FH: variants seen among roughly 807,000 people sequenced by gnomAD.
FH encodes the protein fumarate hydratase.
In FH, 22 loss-of-function variants were observed where a neutral mutation model predicts 49.4. The ratio of observed to expected loss-of-function variants is 0.45; its 90% CI spans 0.32 to 0.64. The LOEUF is 0.64. FH is among the 30% of genes least tolerant of loss of function. The pLI is 0.05. For synonymous variants in FH, 208 were observed against 223.0 expected (o/e 0.93, Z 0.60); for missense variants, 526 against 641.5 (o/e 0.82, Z 1.95).
rs778678782 is a variant in FH, at chr1:241,517,298, G to A, written c.151C>T (p.Arg51Trp). ...TCACCAAAGGTATCATATTCTATCC[G>A]GAAGGAATTTTGGCTTGCCTAAAGA... ...AARMASQNSF[R>W]IEYDTFGELK... Residue 51 changes from arginine (R) to tryptophan (W), a missense_variant, in exon 2 of 10, where the codon CGG becomes TGG. By Grantham distance (101) the Arg-to-Trp change is moderately radical. Coordinates refer to ENST00000366560, the MANE Select transcript of FH (RefSeq NM_000143.4). 2.5e-6 allele frequency: 4 copies of A among 1,613,958 alleles called. No individual in the cohort carries two copies. Among genetic ancestry groups the A allele is most frequent in the South Asian group, 2.2e-5 (2 of 91,074 alleles).
rs1573881663 is a variant in FH, at chr1:241,506,089, G to A, written c.818C>T (p.Ala273Val). The A allele has an allele frequency of 1.2e-6, 2 of 1,613,962 alleles. No homozygotes were observed. The highest frequency in any genetic ancestry group is 1.7e-6 in the Non-Finnish European group (2 of 1,179,906). Residue 273 changes from alanine to valine, a missense_variant, in exon 6 of 10, where the codon GCA becomes GTA. Transcript: ENST00000366560. ...TGTACCAACAGCAGTGCCTCCAGCT[G>A]CGAGCTCATAGATTCTTGGCATGGC... ...KAAMPRIYELAAGGTAVGTGL... is the reference protein window; with the variant it reads ...KAAMPRIYELVAGGTAVGTGL...
At chr1:241,502,674 G>A in intron 7 of FH, 104 bp from the exon 8 acceptor site, 1 of 1,340,754 alleles carries the variant, frequency 7.5e-7, no homozygotes, top group South Asian at 1.2e-5. Flanking sequence ...ATACAATAAA[G>A]CAAGGCCCAA....
intron 8 of FH, among the ~76,000 whole-genome samples, chr1:241,500,882 A>C (rs925026917): frequency 6.6e-6 from 1 of 152,232 alleles, no homozygotes; most frequent in African/African-American, 2.4e-5. Flanking sequence ...AGAGGTCTGA[A>C]GTGTTAGAGA....
Position 241,500,602 on chromosome 1 carries a change from TGAGAGAGA to T in FH, c.1237-20_1237-13del, listed in dbSNP as rs144131869. The stretch of plus-strand genomic sequence containing the variant: ...AACACATTTTTAATCTTTGAGTGAG[TGAGAGAGA>T]GAGAGAGAGAGAGAGAGAGAGAGAG... On this transcript the variant is annotated splice_polypyrimidine_tract_variant and intron_variant, in intron 8 of 9. Transcript: ENST00000366560. 1.1e-3 allele frequency: 1,606 copies of T among 1,490,680 alleles called. 7 individuals carry two copies. The African/African-American group carries it at 0.015, about 14-fold the overall frequency. The allele number at this position is 1,490,680 out of a possible 1,614,324, so 92.3% of individuals were successfully genotyped here. A position where few individuals can be genotyped will look rare whatever the true frequency, so the allele number is the denominator to read the frequency against.
At chr1:241,516,168 T>G (rs567460840) in intron 2 of FH, among the ~76,000 whole-genome samples, 11 of 152,226 alleles carry the variant, frequency 7.2e-5, no homozygotes, top group African/African-American at 2.6e-4. Context: ...TAAAAATCTG[T>G]AAATACCCAG....
At position 241,502,429 on chromosome 1, in the gene FH, G is replaced by A. The variant is rs149241949; in HGVS notation, c.1236+14C>T. The A allele has an allele frequency of 1.0e-3, 1,660 of 1,613,790 alleles. 16 individuals carry two copies. In the African/African-American group the frequency reaches 0.02, roughly 19 times the overall value. On this transcript the variant is annotated intron_variant, in intron 8 of 9. Transcript: ENST00000366560. Reference sequence around the variant, plus strand: ...TTTGGTCAAAAAACATTAAAAATCAGATTTAAAGCTTACCATCATTGGCTT... The same window carrying A: ...TTTGGTCAAAAAACATTAAAAATCAAATTTAAAGCTTACCATCATTGGCTT...
intron 4 of FH, chr1:241,511,763 C>T (rs1166681119): frequency 1.8e-6 from 1 of 552,764 alleles, no homozygotes; most frequent in Non-Finnish European, 3.2e-6. Flanking sequence ...AAAATACATA[C>T]ACTAAATTCA....
intron 5 of FH, 71 bp downstream of exon 5, chr1:241,508,532 G>A: frequency 7.2e-7 from 1 of 1,391,344 alleles, no homozygotes; most frequent in Non-Finnish European, 1.0e-6. Flanking sequence ...AAGCTAGTCA[G>A]ATTTCAAGGA....
In FH at chr1:241,517,255, T is replaced by A. The variant is rs145116688; in HGVS notation, c.194A>T (p.Asp65Val). 4.3e-6 allele frequency: 7 copies of A among 1,614,182 alleles called. No individual in the cohort carries two copies. The Middle Eastern group carries it at 4.9e-4, about 114-fold the overall frequency. ...CACGGTCTGGGCGCCATAATACTTA[T>A]CATTTGGCACCTTTAGTTCACCAAA... Reference protein sequence around the residue: ...DTFGELKVPNDKYYGAQTVRS... With the variant: ...DTFGELKVPNVKYYGAQTVRS... Residue 65 changes from aspartate (D) to valine (V), a missense_variant, in exon 2 of 10, where the codon GAT (aspartate) becomes GTT (valine). By Grantham distance (152) the Asp-to-Val change is radical. Transcript: ENST00000366560.
chr1:241,507,437 C>T (rs1274154806), intron 5 of FH, among the ~76,000 whole-genome samples: 6 of 152,086 alleles, frequency 3.9e-5, no homozygotes, highest in African/African-American at 1.4e-4. Flanking sequence ...TACACACACA[C>T]ACAAACACAC....
chr1:241,505,093 T>C (rs1250627230), intron 6 of FH, among the ~76,000 whole-genome samples: 3 of 151,896 alleles, frequency 2.0e-5, no homozygotes, highest in Non-Finnish European at 4.4e-5. Context: ...AAATTTTTAC[T>C]AGAGACAGGG....
rs1659748223 is a variant in FH, at chr1:241,500,570, T to A, written c.1257A>T (p.Ser419=). The change falls in exon 9 of 10, where the codon TCA becomes TCT. Residue 419 remains serine, a synonymous_variant. Transcript: ENST00000366560. The part of the protein sequence containing the change: ...KPMMIKNVLH[S]ARLLGDASVS... Reference sequence around the variant, plus strand: ...CTGAAGCATCCCCCAGCAGCCTGGCTGAGTGTAACACATTTTTAATCTTTG... The same window carrying A: ...CTGAAGCATCCCCCAGCAGCCTGGCAGAGTGTAACACATTTTTAATCTTTG... The A allele has an allele frequency of 6.2e-7, 1 of 1,609,728 alleles. No individual in the cohort carries two copies. The highest frequency in any genetic ancestry group is 1.4e-5 in the African/African-American group (1 of 73,140).
At chr1:241,510,603 T>C (rs1455183124) in intron 4 of FH, among the ~76,000 whole-genome samples, 1 of 152,128 alleles carries the variant, frequency 6.6e-6, no homozygotes, top group African/African-American at 2.4e-5. Flanking sequence ...TAAAACACCA[T>C]GGAAGTAATT....
At chr1:241,498,743 GT>G (rs1406106959) in intron 9 of FH, among the ~76,000 whole-genome samples, 2 of 46,396 alleles carry the variant, frequency 4.3e-5, no homozygotes, top group African/African-American at 8.8e-5. Context: ...ATATATATAT[GT>G]CAAGAAGAAA....
intron 7 of FH, 100 bp downstream of exon 7, chr1:241,503,941 GC>G: frequency 7.9e-7 from 1 of 1,263,236 alleles, no homozygotes; most frequent in South Asian, 1.3e-5. Context: ...TGCGCATCCA[GC>G]TGCGGGATAA....
intron 8 of FH, among the ~76,000 whole-genome samples, chr1:241,501,943 A>G (rs1278414899): frequency 6.6e-6 from 1 of 152,242 alleles, no homozygotes; most frequent in Non-Finnish European, 1.5e-5. Context: ...AGAACTGGTG[A>G]AAAAATGTTC....
chr1:241,510,045 GCAGACTT>G (rs1253634451), intron 4 of FH, among the ~76,000 whole-genome samples: 5 of 152,058 alleles, frequency 3.3e-5, no homozygotes, highest in African/African-American at 1.2e-4. Flanking sequence ...CCTTTCTGAG[GCAGACTT>G]CAGACTTCAG....
intron 1 of FH, among the ~76,000 whole-genome samples, chr1:241,517,686 G>C (rs1289099975): frequency 6.6e-6 from 1 of 151,830 alleles, no homozygotes; most frequent in East Asian, 1.9e-4. Context: ...TTTTGAAAAC[G>C]GTCTAAGAAT....
At chr1:241,515,754 T>C (rs559126519) in intron 2 of FH, among the ~76,000 whole-genome samples, 8 of 152,382 alleles carry the variant, frequency 5.2e-5, no homozygotes, top group African/African-American at 1.7e-4. Flanking sequence ...TCCCGTAGAA[T>C]ATGTTATGCA....
Sources: allele counts gnomAD v4.1 joint callset (sites outside exome capture counted in the v4.1 genomes callset), GRCh38; gene constraint gnomAD v4.1.1; transcripts MANE v1.5; gene names NCBI Gene and HGNC (gene_info 2026-07-23, HGNC 2026-07-21).